NCK2: variants seen among roughly 807,000 people sequenced by gnomAD.
The protein encoded by NCK2 is NCK adaptor protein 2.
In NCK2, 16 loss-of-function variants were observed where a neutral mutation model predicts 33.9. The observed-to-expected ratio is 0.47, with a 90% CI of 0.32 to 0.72. The LOEUF (loss-of-function observed/expected upper bound fraction) is 0.72, where lower values mean the gene tolerates loss of function less well. Ranked by LOEUF, NCK2 falls within the 30% of genes least tolerant of loss-of-function variation. The pLI is 0.03. For synonymous variants in NCK2, 273 were observed against 239.9 expected (o/e 1.14, Z -1.27); for missense variants, 418 against 537.3 (o/e 0.78, Z 2.19).
chr2:105,869,685 T>C (rs959932469), intron 3 of NCK2, among the ~76,000 whole-genome samples: 7 of 152,216 alleles, frequency 4.6e-5, no homozygotes, highest in African/African-American at 1.7e-4. Flanking sequence ...ATTGACACTT[T>C]AAGCAGTGCT....
intron 4 of NCK2, among the ~76,000 whole-genome samples, chr2:105,886,887 CTTTT>C (rs1678742340): frequency 6.6e-6 from 1 of 152,190 alleles, no homozygotes; most frequent in African/African-American, 2.4e-5. Context: ...TGATGATTGA[CTTTT>C]CATTTATGTA....
intron 3 of NCK2, among the ~76,000 whole-genome samples, chr2:105,876,146 A>G (rs989415379): frequency 1.3e-5 from 2 of 152,222 alleles, no homozygotes; most frequent in African/African-American, 4.8e-5. Context: ...GATCATCGCA[A>G]TATGATTTAT....
At chr2:105,799,774 A>C (rs1478855545) in intron 1 of NCK2, among the ~76,000 whole-genome samples, 3 of 152,196 alleles carry the variant, frequency 2.0e-5, no homozygotes, top group Admixed American at 6.5e-5. Flanking sequence ...AAAGTGGTTA[A>C]GATAGATCCA....
intron 3 of NCK2, among the ~76,000 whole-genome samples, chr2:105,859,264 G>A (rs1009498988): frequency 1.3e-5 from 2 of 152,084 alleles, no homozygotes; most frequent in Non-Finnish European, 2.9e-5. Context: ...TTCTCTTTTC[G>A]GTGGTTAACA....
rs1254706866 is a variant in NCK2 at position 105,758,461 on chromosome 2, AG to A, written c.-201+13324del. The stretch of plus-strand genomic sequence containing the variant: ...AGTCTCGCTCTGTCACCCATGCTGG[AG>A]TGCAGTCGCTTGATCTCGGCTCACT... On this transcript the variant is annotated intron_variant, in intron 1 of 4. Transcript: ENST00000233154. 9.5e-3 allele frequency among the ~76,000 whole-genome samples: 1,346 copies of A among 142,198 alleles called. 22 individuals carry two copies. The highest frequency in any genetic ancestry group is 0.034 in the African/African-American group (1,280 of 38,080). 93.3% of individuals were successfully genotyped at this position (142,198 alleles called of 152,430 possible).
intron 2 of NCK2, among the ~76,000 whole-genome samples, chr2:105,821,203 T>C (rs1035431806): frequency 6.6e-6 from 1 of 152,220 alleles, no homozygotes; most frequent in African/African-American, 2.4e-5. Flanking sequence ...TTTTATCATA[T>C]CCTGGTTGTT....
chr2:105,867,839 C>T (rs1031848965), intron 3 of NCK2, among the ~76,000 whole-genome samples: 6 of 152,208 alleles, frequency 3.9e-5, no homozygotes, highest in Non-Finnish European at 7.3e-5. Context: ...ACTTGAGTTA[C>T]TCAAGCGGGA....
intron 1 of NCK2, among the ~76,000 whole-genome samples, chr2:105,759,768 G>C (rs1166946304): frequency 6.6e-6 from 1 of 152,166 alleles, no homozygotes; most frequent in Admixed American, 6.5e-5. Context: ...CAGTTTCTTA[G>C]ACTCGCCTTG....
At chr2:105,812,999 T>A (rs1264586661) in intron 1 of NCK2, among the ~76,000 whole-genome samples, 1 of 152,170 alleles carries the variant, frequency 6.6e-6, no homozygotes, top group Non-Finnish European at 1.5e-5. Context: ...CATCAGCAGA[T>A]GCGATTTGCA....
At chr2:105,877,288 G>A (rs1032080242) in intron 3 of NCK2, among the ~76,000 whole-genome samples, 5 of 152,036 alleles carry the variant, frequency 3.3e-5, no homozygotes. Flanking sequence ...CAGGAGGGCG[G>A]CACACATTAA....
chr2:105,747,066 C>G (rs1689311885), intron 1 of NCK2, among the ~76,000 whole-genome samples: 1 of 152,152 alleles, frequency 6.6e-6, no homozygotes, highest in Non-Finnish European at 1.5e-5. Flanking sequence ...AGAAACTGAC[C>G]CTGTTAACCG....
intron 1 of NCK2, among the ~76,000 whole-genome samples, chr2:105,792,361 A>G (rs934418793): frequency 2.0e-5 from 3 of 152,268 alleles, no homozygotes; most frequent in East Asian, 1.9e-4. Flanking sequence ...TTAATGGCCA[A>G]TCCTTTATCT....
At chr2:105,790,843 C>G (rs893700640) in intron 1 of NCK2, among the ~76,000 whole-genome samples, 8 of 152,078 alleles carry the variant, frequency 5.3e-5, no homozygotes, top group Admixed American at 1.3e-4. Flanking sequence ...GAGCTGTGCC[C>G]GAAGAAGGAA....
At chr2:105,768,447 A>G (rs890588503) in intron 1 of NCK2, among the ~76,000 whole-genome samples, 5 of 152,176 alleles carry the variant, frequency 3.3e-5, no homozygotes, top group Admixed American at 6.5e-5. Flanking sequence ...CACCAGTTGC[A>G]TGTCCTAAGC....
At chr2:105,842,556 G>A (rs1676688302) in intron 2 of NCK2, among the ~76,000 whole-genome samples, 1 of 152,154 alleles carries the variant, frequency 6.6e-6, no homozygotes, top group Non-Finnish European at 1.5e-5. Context: ...TATCAGAGTT[G>A]TTTAAATTTC....
chr2:105,744,887 C>CGCCGCCGCCGCCGCCGCT (rs1458680460), upstream of NCK2: 1 of 160,898 alleles, frequency 6.2e-6, no homozygotes, highest in Non-Finnish European at 1.3e-5. Flanking sequence ...CCGCCGCCGC[C>CGCCGCCGCCGCCGCCGCT]GCCGCCGCTG....
chr2:105,798,687 A>G (rs1691168304), intron 1 of NCK2, among the ~76,000 whole-genome samples: 1 of 152,218 alleles, frequency 6.6e-6, no homozygotes, highest in South Asian at 2.1e-4. Flanking sequence ...GTTTATGTGG[A>G]CGGTGAATCT....
intron 1 of NCK2, among the ~76,000 whole-genome samples, chr2:105,779,306 C>CAAA (rs780590996): frequency 0.011 from 1,357 of 119,344 alleles, 62 homozygotes; most frequent in African/African-American, 0.038. Flanking sequence ...GACTCCGTCT[C>CAAA]AAAAAAAAAA....
intron 1 of NCK2, among the ~76,000 whole-genome samples, chr2:105,768,478 T>C (rs4851861): frequency 0.31 from 46,830 of 152,142 alleles, 8,433 homozygotes; most frequent in East Asian, 0.45. Flanking sequence ...TCTGATCAAC[T>C]GGCTGTAAAT....
Sources: gnomAD v4.1 joint callset for allele counts (sites outside exome capture counted in the v4.1 genomes callset) on GRCh38, gnomAD v4.1.1 for gene constraint, MANE v1.5 for transcripts, NCBI Gene and HGNC (gene_info 2026-07-23, HGNC 2026-07-21) for gene names.